The following DUSP13B variants were observed in gnomAD, a reference collection of about 807,000 sequenced individuals.
DUSP13B encodes dual specificity protein phosphatase 13B.
chr10:75,097,154 C>T, the DUSP13B span, among the ~76,000 whole-genome samples: 6 of 152,084 alleles, frequency 3.9e-5, no homozygotes, highest in African/African-American at 1.4e-4. Flanking sequence ...TATCCTTTTT[C>T]TTCACTGGGT....
the DUSP13B span, among the ~76,000 whole-genome samples, chr10:75,100,572 T>A: frequency 3.0e-4 from 46 of 152,228 alleles, no homozygotes; most frequent in African/African-American, 1.0e-3. Flanking sequence ...CCCAGCTGGG[T>A]GAAGCACAGG....
the DUSP13B span, chr10:75,108,052 T>A: frequency 1.2e-6 from 2 of 1,613,892 alleles, no homozygotes; most frequent in Middle Eastern, 1.7e-4. Context: ...TAGGCACTGA[T>A]GTCAAAATCA....
the DUSP13B span, chr10:75,094,588 G>A: frequency 6.9e-7 from 1 of 1,446,598 alleles, no homozygotes. Flanking sequence ...TTACATCTCA[G>A]GGTCACTAGA....
chr10:75,108,907 G>T, the DUSP13B span: 2 of 1,456,856 alleles, frequency 1.4e-6, no homozygotes, highest in Non-Finnish European at 1.8e-6. Flanking sequence ...GGTCAGAGCA[G>T]AGCTATTTCT....
chr10:75,106,066 T>C, the DUSP13B span, among the ~76,000 whole-genome samples: 1 of 151,948 alleles, frequency 6.6e-6, no homozygotes, highest in Non-Finnish European at 1.5e-5. Flanking sequence ...ACCCTTGGGA[T>C]AGGGTCCGAA....
the DUSP13B span, chr10:75,099,091 G>A: frequency 3.2e-6 from 4 of 1,232,282 alleles, no homozygotes; most frequent in Non-Finnish European, 4.0e-6. Flanking sequence ...GCTTGTTTCA[G>A]GCATCTGCTG....
the DUSP13B span, chr10:75,109,050 G>C: frequency 3.3e-5 from 53 of 1,611,572 alleles, no homozygotes; most frequent in Non-Finnish European, 4.2e-5. Context: ...CGTCCACACG[G>C]CTGCAAGAAG....
At chr10:75,107,738 G>A in the DUSP13B span, among the ~76,000 whole-genome samples, 4 of 152,086 alleles carry the variant, frequency 2.6e-5, no homozygotes, top group African/African-American at 7.2e-5. Context: ...CACCATGCCC[G>A]GCTAATATTT....
the DUSP13B span, chr10:75,095,544 A>AC: frequency 5.6e-6 from 9 of 1,597,628 alleles, no homozygotes; most frequent in Non-Finnish European, 6.0e-6. Flanking sequence ...CACACCCTCC[A>AC]CCCTCCACCA....
the DUSP13B span, among the ~76,000 whole-genome samples, chr10:75,105,100 G>C: frequency 6.6e-6 from 1 of 152,168 alleles, no homozygotes; most frequent in Non-Finnish European, 1.5e-5. Context: ...GGCAGGCCCT[G>C]CTGGGTGGGG....
chr10:75,094,855 T>A, the DUSP13B span: 2 of 1,614,118 alleles, frequency 1.2e-6, no homozygotes, highest in East Asian at 4.5e-5. Context: ...CTTACCCCCA[T>A]GGCACAGTGT....
chr10:75,100,730 T>G, the DUSP13B span, among the ~76,000 whole-genome samples: 1 of 152,244 alleles, frequency 6.6e-6, no homozygotes, highest in African/African-American at 2.4e-5. Flanking sequence ...GGGCTTTTCC[T>G]GGCTGCTCCT....
the DUSP13B span, chr10:75,105,762 G>A: frequency 3.9e-6 from 6 of 1,552,570 alleles, no homozygotes; most frequent in African/African-American, 1.4e-5. Flanking sequence ...GCTGCCTCAC[G>A]GTGATCACCG....
chr10:75,102,397 C>A, the DUSP13B span, among the ~76,000 whole-genome samples: 1 of 151,852 alleles, frequency 6.6e-6, no homozygotes, highest in African/African-American at 2.4e-5. Context: ...GAGCCGAGAT[C>A]GCGCCACTGC....
chr10:75,108,984 T>C, the DUSP13B span: 1 of 1,579,974 alleles, frequency 6.3e-7, no homozygotes, highest in Non-Finnish European at 8.6e-7. Context: ...CCCACCCCCA[T>C]GCCCCTTGGC....
chr10:75,101,705 A>G, the DUSP13B span, among the ~76,000 whole-genome samples: 1 of 151,896 alleles, frequency 6.6e-6, no homozygotes, highest in African/African-American at 2.4e-5. Context: ...GGTCTCTCTG[A>G]CTCTACTATA....
chr10:75,096,796 C>A, the DUSP13B span, among the ~76,000 whole-genome samples: 1 of 151,978 alleles, frequency 6.6e-6, no homozygotes, highest in Admixed American at 6.6e-5. Context: ...GATCACTGTT[C>A]ATAATAGTCA....
At chr10:75,106,696 A>G in the DUSP13B span, among the ~76,000 whole-genome samples, 787 of 152,360 alleles carry the variant, frequency 5.2e-3, 5 homozygotes, top group African/African-American at 0.018. Flanking sequence ...TCTTTCCACC[A>G]GTTCCAAGAG....
At chr10:75,097,779 A>G in the DUSP13B span, 1 of 1,613,760 alleles carries the variant, frequency 6.2e-7, no homozygotes, top group African/African-American at 1.3e-5. Flanking sequence ...TGACGGACCC[A>G]CAGCAAGCGC....
Sources: allele counts gnomAD v4.1 joint callset (sites outside exome capture counted in the v4.1 genomes callset), GRCh38; gene constraint gnomAD v4.1.1; transcripts MANE v1.5; gene names NCBI Gene and HGNC (gene_info 2026-07-23, HGNC 2026-07-21).